ALLC: variants seen among roughly 807,000 people sequenced by gnomAD.
ALLC encodes allantoicase.
ALLC carries 40 observed loss-of-function variants against 45.0 expected under a neutral mutation model. That is an observed-to-expected ratio of 0.89 (90% CI 0.69 to 1.16). ALLC has a LOEUF of 1.16. ALLC is among the 50% of genes most tolerant of loss of function. The pLI is 0.00. For synonymous variants in ALLC, 176 were observed against 178.1 expected (o/e 0.99, Z 0.09); for missense variants, 488 against 493.1 (o/e 0.99, Z 0.10).
At position 3,695,783 on chromosome 2, in the gene ALLC, A is replaced by C; in HGVS notation, c.578A>C (p.Lys193Thr). Residue 193 changes from lysine (K) to threonine (T), a missense_variant, in exon 8 of 12, where the codon AAA (lysine) becomes ACA (threonine). Coordinates refer to ENST00000252505, the MANE Select transcript of ALLC (RefSeq NM_018436.4). ...GQKDWTATDP[K>T]EPADLVAIAF... is the part of the protein sequence containing the mutation. ...AAAGACTGGACTGCAACTGACCCCA[A>C]AGAACCTGCAGACCTAGTGGCCATC... 1 of 1,614,050 alleles carries C rather than the reference A, an allele frequency of 6.2e-7. No homozygotes were observed. The highest frequency in any genetic ancestry group is 8.5e-7 in the Non-Finnish European group (1 of 1,179,892).
At chr2:3,668,079 C>T (rs1436274206) in intron 1 of ALLC, among the ~76,000 whole-genome samples, 2 of 152,128 alleles carry the variant, frequency 1.3e-5, no homozygotes, top group Non-Finnish European at 2.9e-5. Flanking sequence ...ATAAATATTA[C>T]AGAGAAGCAG....
intron 1 of ALLC, among the ~76,000 whole-genome samples, chr2:3,664,595 T>C (rs1343345412): frequency 6.6e-6 from 1 of 152,184 alleles, no homozygotes; most frequent in Admixed American, 6.5e-5. Context: ...TTAAGGCAGA[T>C]GTTTCGGGCC....
rs548742039 is a variant in ALLC at position 3,685,215 on chromosome 2, C to T, written c.511+2141C>T. On this transcript the variant is annotated intron_variant, in intron 7 of 11. Coordinates refer to ENST00000252505, the MANE Select transcript of ALLC (RefSeq NM_018436.4). Reference sequence around the variant, plus strand: ...ATGGGCTTCACTTTCTCCACATCCTCGCTAGCATCCACTATTCCCCCGTCT... The same window carrying T: ...ATGGGCTTCACTTTCTCCACATCCTTGCTAGCATCCACTATTCCCCCGTCT... Among the ~76,000 whole-genome samples the T allele has an allele frequency of 8.4e-4, 125 of 149,008 alleles. 3 individuals are homozygous for T. Among genetic ancestry groups the T allele is most frequent in the African/African-American group, 1.5e-3 (61 of 40,316 alleles).
the ALLC span, among the ~76,000 whole-genome samples, chr2:3,648,553 G>A: frequency 2.0e-5 from 3 of 152,214 alleles, no homozygotes; most frequent in Admixed American, 6.5e-5. Flanking sequence ...GGTCTGGGGT[G>A]CTGCCCACAG....
chr2:3,658,926 C>T (rs1020318626), intron 1 of ALLC, among the ~76,000 whole-genome samples: 1 of 148,484 alleles, frequency 6.7e-6, no homozygotes, highest in African/African-American at 2.5e-5. Context: ...GTGAAGTAAA[C>T]CTATATTCAA....
the ALLC span, among the ~76,000 whole-genome samples, chr2:3,651,325 G>T: frequency 5.8e-3 from 4 of 692 alleles, 1 homozygote; most frequent in Admixed American, 0.024. Context: ...GGGGGGGTGT[G>T]TGTGTGTGTG....
chr2:3,646,040 A>G, the ALLC span, among the ~76,000 whole-genome samples: 1 of 152,208 alleles, frequency 6.6e-6, no homozygotes, highest in Admixed American at 6.5e-5. Context: ...CCACCGGAGA[A>G]AAGGGCAGGT....
chr2:3,682,095 T>C (rs1349364360), intron 6 of ALLC, among the ~76,000 whole-genome samples: 1 of 152,252 alleles, frequency 6.6e-6, no homozygotes, highest in Non-Finnish European at 1.5e-5. Context: ...ATAGGGCTTG[T>C]GTTTTGGTAC....
Position 3,701,439 on chromosome 2 carries a change from A to G in ALLC, c.851-73A>G, listed in dbSNP as rs929679675. On this transcript the variant is annotated intron_variant, in intron 10 of 11. Coordinates refer to ENST00000252505, the MANE Select transcript of ALLC (RefSeq NM_018436.4). Reference sequence around the variant, plus strand: ...TTGCTGGGTTTTTGATCTTATTAAAAAAGCATGATATCCTATACGCCAAAC... The same window carrying G: ...TTGCTGGGTTTTTGATCTTATTAAAGAAGCATGATATCCTATACGCCAAAC... 137 of 1,440,982 alleles carry G rather than the reference A, an allele frequency of 9.5e-5. No homozygotes were observed. The East Asian group carries it at 3.5e-3, about 36-fold the overall frequency. The allele number at this position is 1,440,982 out of a possible 1,614,324, so 89.3% of individuals were successfully genotyped here.
Position 3,688,500 on chromosome 2 carries a change from C to T in ALLC, c.511+5426C>T, listed in dbSNP as rs143711569. 8.1e-4 allele frequency: 159 copies of T among 196,228 alleles called. 1 individual carries two copies. Among genetic ancestry groups the T allele is most frequent in the African/African-American group, 3.6e-3 (152 of 42,162 alleles). 12.2% of individuals were successfully genotyped at this position (196,228 alleles called of 1,614,324 possible). On this transcript the variant is annotated intron_variant, in intron 7 of 11. Coordinates refer to ENST00000252505, the MANE Select transcript of ALLC (RefSeq NM_018436.4). Reference sequence around the variant, plus strand: ...TAGTGCCAAAGTTGTCATGGATGACCTTGGCCAGAAGGGCTAAGTAGTAGG... The same window carrying T: ...TAGTGCCAAAGTTGTCATGGATGACTTTGGCCAGAAGGGCTAAGTAGTAGG...
At chr2:3,653,044 G>T in the ALLC span, among the ~76,000 whole-genome samples, 1 of 152,228 alleles carries the variant, frequency 6.6e-6, no homozygotes, top group African/African-American at 2.4e-5. The surrounding 1 kb of genome is among the most constrained non-coding windows in gnomAD (Gnocchi z 4.1). Flanking sequence ...CAGTGCATCA[G>T]CTGGGAGGCC....
chr2:3,649,684 T>G, the ALLC span, among the ~76,000 whole-genome samples: 2 of 152,218 alleles, frequency 1.3e-5, no homozygotes, highest in Admixed American at 6.5e-5. Context: ...CAGCTCAGGG[T>G]GCAGGGTGGG....
At chr2:3,683,098 C>G (rs963217399) in intron 7 of ALLC, 24 bp downstream of exon 7, 1 of 1,601,502 alleles carries the variant, frequency 6.2e-7, no homozygotes, top group Non-Finnish European at 8.5e-7. Context: ...GGACTTATCA[C>G]CAGTTCCATG....
intron 1 of ALLC, among the ~76,000 whole-genome samples, chr2:3,662,405 T>G (rs1666597931): frequency 6.6e-6 from 1 of 152,186 alleles, no homozygotes; most frequent in African/African-American, 2.4e-5. Context: ...AATTAGCACA[T>G]CCTGCTCACC....
chr2:3,696,398 T>G (rs779585054), intron 9 of ALLC, 50 bp downstream of exon 9: 1 of 1,482,720 alleles, frequency 6.7e-7, no homozygotes, highest in Admixed American at 2.0e-5. Flanking sequence ...AAAAGTATTT[T>G]TTGGAACTTT....
upstream of ALLC, among the ~76,000 whole-genome samples, chr2:3,654,285 G>A (rs550283002): frequency 4.6e-5 from 7 of 152,372 alleles, no homozygotes; most frequent in South Asian, 2.1e-4. Context: ...AGGTGTGAGC[G>A]TGAGGAGAGG....
At chr2:3,675,750 C>T (rs1035882491) in intron 3 of ALLC, among the ~76,000 whole-genome samples, 3 of 152,210 alleles carry the variant, frequency 2.0e-5, no homozygotes, top group Non-Finnish European at 4.4e-5. Context: ...ACTTGAGTGC[C>T]AGTCCACGCC....
intron 6 of ALLC, among the ~76,000 whole-genome samples, chr2:3,682,625 A>G (rs988159107): frequency 5.9e-5 from 9 of 152,064 alleles, no homozygotes; most frequent in African/African-American, 1.2e-4. Context: ...TCCCAGGTTC[A>G]CGCCATTCTC....
intron 1 of ALLC, among the ~76,000 whole-genome samples, chr2:3,660,346 A>G (rs1384544484): frequency 6.6e-6 from 1 of 152,098 alleles, no homozygotes; most frequent in Non-Finnish European, 1.5e-5. Context: ...CGCCTGCAGA[A>G]CCATGAGCCA....
Sources: allele counts gnomAD v4.1 joint callset (sites outside exome capture counted in the v4.1 genomes callset), GRCh38; gene constraint gnomAD v4.1.1; non-coding constraint Gnocchi (gnomAD v3.1); transcripts MANE v1.5; gene names NCBI Gene and HGNC (gene_info 2026-07-23, HGNC 2026-07-21).